The following EXOC6B variants were observed in gnomAD, a reference collection of about 807,000 sequenced individuals.
The protein encoded by EXOC6B is SEC15 homolog B.
EXOC6B carries 54 observed loss-of-function variants against 113.5 expected under a neutral mutation model. The ratio of observed to expected loss-of-function variants is 0.48; its 90% CI spans 0.38 to 0.60. EXOC6B has a LOEUF of 0.60. Among genes scored for constraint, EXOC6B ranks in the 20% least tolerant of loss-of-function variants. The probability of loss-of-function intolerance (pLI) is 0.00; values close to 1 mark genes in which losing one functional copy is unlikely to be tolerated. For synonymous variants in EXOC6B, 357 were observed against 339.0 expected, an observed-to-expected ratio of 1.05 and a Z score of -0.58; for missense variants, 797 against 977.5, an observed-to-expected ratio of 0.82 and a Z score of 2.46.
At chr2:72,817,453 T>C (rs1686314816) in intron 1 of EXOC6B, among the ~76,000 whole-genome samples, 1 of 152,234 alleles carries the variant, frequency 6.6e-6, no homozygotes, top group Non-Finnish European at 1.5e-5. Context: ...TCCCAGATAA[T>C]TAACAGTTGG....
Position 72,602,270 on chromosome 2 carries a change from T to C in EXOC6B, c.670-26602A>G, listed in dbSNP as rs562651024. Among the ~76,000 whole-genome samples, 13 of 152,298 alleles carry C rather than the reference T, an allele frequency of 8.5e-5. No homozygotes were observed. The South Asian group carries it at 2.1e-3, about 24-fold the overall frequency. ...GGTCAGCTTAAGTGCATGATTATAG[T>C]AGATAAAATCAGGATAATTATATTA... On this transcript the variant is annotated intron_variant, in intron 6 of 21. Coordinates refer to ENST00000272427, the MANE Select transcript of EXOC6B (RefSeq NM_015189.3).
intron 18 of EXOC6B, among the ~76,000 whole-genome samples, chr2:72,406,096 G>C (rs1024016986): frequency 1.3e-5 from 2 of 152,114 alleles, no homozygotes; most frequent in African/African-American, 2.4e-5. Context: ...AAGATCAAAA[G>C]AGACAAAGAA....
chr2:72,592,285 A>G (rs1465295476), intron 6 of EXOC6B, among the ~76,000 whole-genome samples: 2 of 152,200 alleles, frequency 1.3e-5, no homozygotes, highest in East Asian at 3.9e-4. Flanking sequence ...TGGAGGGGTG[A>G]CAGAGTGACT....
At chr2:72,646,895 C>T (rs1325956477) in intron 6 of EXOC6B, among the ~76,000 whole-genome samples, 3 of 152,118 alleles carry the variant, frequency 2.0e-5, no homozygotes, top group Non-Finnish European at 4.4e-5. Flanking sequence ...TGCCACAAGA[C>T]AGGGATGCCT....
rs116637609 is a variant in EXOC6B at position 72,776,962 on chromosome 2, C to T, written c.114-35493G>A. Among the ~76,000 whole-genome samples the T allele has an allele frequency of 3.4e-3, 512 of 152,184 alleles. 6 individuals are homozygous for T. The highest frequency in any genetic ancestry group is 0.012 in the African/African-American group (497 of 41,526). ...CAAACTGTCAAAATACAAGACAGGC[C>T]GGGAGCAGTGGATCCTGTCTGTAAT... On this transcript the variant is annotated intron_variant, in intron 1 of 21. Transcript: ENST00000272427.
At chr2:72,428,610 A>T (rs1450526947) in intron 18 of EXOC6B, among the ~76,000 whole-genome samples, 1 of 152,212 alleles carries the variant, frequency 6.6e-6, no homozygotes, top group Non-Finnish European at 1.5e-5. Context: ...CCAGATCAGT[A>T]GCATGAGAAG....
intron 1 of EXOC6B, among the ~76,000 whole-genome samples, chr2:72,754,792 T>A (rs1441403374): frequency 2.6e-5 from 4 of 151,254 alleles, no homozygotes; most frequent in African/African-American, 9.7e-5. Context: ...TTTTTAAAAT[T>A]TTTTTTTGCA....
At chr2:72,416,041 G>A (rs962971393) in intron 18 of EXOC6B, among the ~76,000 whole-genome samples, 6 of 152,118 alleles carry the variant, frequency 3.9e-5, no homozygotes, top group Admixed American at 1.3e-4. Context: ...AATGTTACAC[G>A]TCAGCTGTCA....
chr2:72,672,383 C>A (rs1233584901), intron 6 of EXOC6B, among the ~76,000 whole-genome samples: 2 of 151,552 alleles, frequency 1.3e-5, no homozygotes, highest in African/African-American at 4.8e-5. Context: ...GTAATCCTAG[C>A]ACCTTGGGAG....
At chr2:72,368,232 ACAC>A (rs1351380390) in intron 19 of EXOC6B, among the ~76,000 whole-genome samples, 2 of 152,154 alleles carry the variant, frequency 1.3e-5, no homozygotes, top group African/African-American at 4.8e-5. Flanking sequence ...AATACTATAA[ACAC>A]CTCTACGCAG....
intron 18 of EXOC6B, among the ~76,000 whole-genome samples, chr2:72,453,092 T>G (rs1483578371): frequency 6.6e-6 from 1 of 152,202 alleles, no homozygotes; most frequent in Non-Finnish European, 1.5e-5. Context: ...AAAGAGTATA[T>G]GCTTTGGAAT....
intron 1 of EXOC6B, among the ~76,000 whole-genome samples, chr2:72,813,022 A>G (rs911171387): frequency 2.6e-5 from 4 of 152,234 alleles, no homozygotes; most frequent in Admixed American, 6.5e-5. Flanking sequence ...ATCTAGAATA[A>G]AGGGGATCTC....
At chr2:72,740,320 A>C (rs1338194548) in intron 2 of EXOC6B, among the ~76,000 whole-genome samples, 2 of 152,232 alleles carry the variant, frequency 1.3e-5, no homozygotes, top group East Asian at 3.8e-4. Flanking sequence ...AAAAGAATTA[A>C]AAGCATAAGG....
intron 20 of EXOC6B, 91 bp from the exon 21 acceptor site, chr2:72,184,278 T>A: frequency 1.6e-6 from 1 of 622,704 alleles, no homozygotes; most frequent in Non-Finnish European, 2.9e-6. Context: ...CACTACCAGC[T>A]AATAAATTGG....
At chr2:72,264,961 G>C (rs578162953) in intron 20 of EXOC6B, among the ~76,000 whole-genome samples, 2 of 151,994 alleles carry the variant, frequency 1.3e-5, no homozygotes, top group Non-Finnish European at 2.9e-5. Context: ...TACTAATACA[G>C]TACATTGGTA....
At chr2:72,220,902 A>G (rs1680827610) in intron 20 of EXOC6B, among the ~76,000 whole-genome samples, 1 of 152,118 alleles carries the variant, frequency 6.6e-6, no homozygotes, top group Admixed American at 6.6e-5. Context: ...TAATACATTC[A>G]CATACTTTGT....
At chr2:72,815,969 G>T (rs1172019652) in intron 1 of EXOC6B, among the ~76,000 whole-genome samples, 1 of 152,136 alleles carries the variant, frequency 6.6e-6, no homozygotes, top group Non-Finnish European at 1.5e-5. Flanking sequence ...AACCAGCCTG[G>T]CCAATATGGT....
At chr2:72,430,196 C>T (rs1345698747) in intron 18 of EXOC6B, among the ~76,000 whole-genome samples, 2 of 152,210 alleles carry the variant, frequency 1.3e-5, no homozygotes, top group African/African-American at 4.8e-5. Flanking sequence ...AATAAAACTA[C>T]TGATGTAGCC....
At chr2:72,605,557 T>C (rs1283116310) in intron 6 of EXOC6B, among the ~76,000 whole-genome samples, 6 of 152,220 alleles carry the variant, frequency 3.9e-5, no homozygotes, top group Non-Finnish European at 8.8e-5. Context: ...TTATTATCTT[T>C]GCATTTTAAG....
Sources: gnomAD v4.1 joint callset for allele counts (sites outside exome capture counted in the v4.1 genomes callset) on GRCh38, gnomAD v4.1.1 for gene constraint, MANE v1.5 for transcripts, NCBI Gene and HGNC (gene_info 2026-07-23, HGNC 2026-07-21) for gene names.